The following SRFBP1 variants were observed in gnomAD, a reference collection of about 807,000 sequenced individuals.
SRFBP1 encodes serum response factor binding protein 1.
In SRFBP1, 47 loss-of-function variants were observed where a neutral mutation model predicts 45.5. That is an observed-to-expected ratio of 1.03 (90% CI 0.82 to 1.32). The LOEUF is 1.32. Among genes scored for constraint, SRFBP1 ranks in the 40% most tolerant of loss-of-function variants. The probability of loss-of-function intolerance (pLI) is 0.00; values close to 1 mark genes in which losing one functional copy is unlikely to be tolerated. For missense variants in SRFBP1, 621 were observed against 484.6 expected (o/e 1.28, Z -2.64); for synonymous variants, 203 against 166.3 (o/e 1.22, Z -1.70).
At chr5:122,063,878 G>A (rs922650053) in intron 2 of SRFBP1, 3 of 151,836 alleles carry the variant, frequency 2.0e-5, no homozygotes, top group Non-Finnish European at 4.4e-5. Flanking sequence ...GAGAAAAAAA[G>A]TACTACAAAT....
chr5:122,021,757 A>G (rs902628162), intron 6 of SRFBP1, among the ~76,000 whole-genome samples: 1 of 144,432 alleles, frequency 6.9e-6, no homozygotes, highest in Non-Finnish European at 1.5e-5. Context: ...GCTCACTGTA[A>G]CCTCTGCCTC....
intron 4 of SRFBP1, among the ~76,000 whole-genome samples, chr5:122,001,623 G>T (rs1439802888): frequency 6.8e-6 from 1 of 147,002 alleles, no homozygotes; most frequent in East Asian, 2.0e-4. Flanking sequence ...TTGCAGTGGC[G>T]CAATCTCGGC....
intron 2 of SRFBP1, among the ~76,000 whole-genome samples, chr5:122,047,074 G>T (rs1008212608): frequency 7.9e-5 from 12 of 152,092 alleles, no homozygotes; most frequent in African/African-American, 2.4e-4. Context: ...GTCAATTTTG[G>T]CTTTTGTTGC....
rs1181937942 is a variant in SRFBP1 at position 121,968,040 on chromosome 5, A to G, written c.36+5972A>G. On this transcript the variant is annotated intron_variant, in intron 1 of 7. Transcript: ENST00000339397. ...CTCTTGGTGTGTGTTTTTCTCTTAT[A>G]TATTTTTCACAATTTTAGTAACATA... Among the ~76,000 whole-genome samples the G allele has an allele frequency of 5.9e-5, 9 of 152,076 alleles. 1 individual carries two copies. The South Asian group carries it at 1.2e-3, about 21-fold the overall frequency.
chr5:121,976,343 T>C (rs1368489656), intron 3 of SRFBP1, among the ~76,000 whole-genome samples: 2 of 151,942 alleles, frequency 1.3e-5, no homozygotes, highest in Non-Finnish European at 1.5e-5. Context: ...CCATCTGATA[T>C]AACTTTTATT....
intron 4 of SRFBP1, among the ~76,000 whole-genome samples, chr5:122,011,801 G>A (rs1425670405): frequency 6.6e-6 from 1 of 151,840 alleles, no homozygotes; most frequent in Non-Finnish European, 1.5e-5. Context: ...GAAAGAGTCT[G>A]TTCTACTCAT....
chr5:121,992,775 A>G (rs1257885686), intron 3 of SRFBP1, among the ~76,000 whole-genome samples: 12 of 152,126 alleles, frequency 7.9e-5, no homozygotes, highest in Non-Finnish European at 1.6e-4. Flanking sequence ...GAGGTATTAT[A>G]TTCCTAAATT....
intron 6 of SRFBP1, 56 bp downstream of exon 6, chr5:122,020,858 A>G: frequency 7.1e-7 from 1 of 1,403,446 alleles, no homozygotes; most frequent in Non-Finnish European, 9.5e-7. Flanking sequence ...AAAAGCTATA[A>G]ATGTCTACTT....
At chr5:121,988,643 C>G (rs1036075097) in intron 3 of SRFBP1, among the ~76,000 whole-genome samples, 1 of 152,180 alleles carries the variant, frequency 6.6e-6, no homozygotes, top group Non-Finnish European at 1.5e-5. Context: ...GCCTGCATGG[C>G]TGACCTCAGC....
intron 2 of SRFBP1, among the ~76,000 whole-genome samples, chr5:122,039,498 A>G (rs1391232862): frequency 2.6e-5 from 4 of 152,180 alleles, no homozygotes; most frequent in Admixed American, 2.0e-4. Context: ...CCCAGCCTCC[A>G]TAAAGTTAGG....
chr5:122,078,014 G>T (rs895776127), downstream of SRFBP1: 16 of 1,439,172 alleles, frequency 1.1e-5, no homozygotes, highest in African/African-American at 3.0e-5. Flanking sequence ...GACCCCGCTC[G>T]AGGAGGACGT....
At chr5:122,057,764 A>G (rs568076900) in intron 2 of SRFBP1, among the ~76,000 whole-genome samples, 1 of 152,266 alleles carries the variant, frequency 6.6e-6, no homozygotes, top group South Asian at 2.1e-4. Context: ...GACAACATTG[A>G]CATCAGAGGA....
At chr5:121,963,119 A>G (rs1004948850) in intron 1 of SRFBP1, among the ~76,000 whole-genome samples, 1 of 152,232 alleles carries the variant, frequency 6.6e-6, no homozygotes. Flanking sequence ...AAGTCATTCC[A>G]GGCAGAGGGA....
At chr5:122,055,154 G>T (rs1358822069) in intron 2 of SRFBP1, among the ~76,000 whole-genome samples, 4 of 152,190 alleles carry the variant, frequency 2.6e-5, no homozygotes, top group Non-Finnish European at 5.9e-5. Context: ...GTTTCTGGCA[G>T]ATTTAGTGTC....
intron 4 of SRFBP1, among the ~76,000 whole-genome samples, chr5:121,998,677 C>CT (rs1752788552): frequency 5.4e-5 from 7 of 129,738 alleles, no homozygotes; most frequent in African/African-American, 1.1e-4. Flanking sequence ...AAAAAAAAAA[C>CT]TAAGATGCTT....
At chr5:122,034,116 G>T (rs1025740612) in intron 2 of SRFBP1, among the ~76,000 whole-genome samples, 1 of 152,122 alleles carries the variant, frequency 6.6e-6, no homozygotes, top group Non-Finnish European at 1.5e-5. Flanking sequence ...GAACCACTGC[G>T]CCCGGCCTAT....
chr5:121,978,357 T>A (rs906777614), intron 3 of SRFBP1, among the ~76,000 whole-genome samples: 1 of 152,220 alleles, frequency 6.6e-6, no homozygotes, highest in Non-Finnish European at 1.5e-5. Flanking sequence ...AGACTCACTT[T>A]CCTAGATATT....
Position 122,048,404 on chromosome 5 carries a change from C to A in SRFBP1, n.311+25997C>A, listed in dbSNP as rs567251382. Among the ~76,000 whole-genome samples, 3 of 152,282 alleles carry A rather than the reference C, an allele frequency of 2.0e-5. No homozygotes were observed. In the South Asian group the frequency reaches 6.2e-4, roughly 32 times the overall value. ...ATCCCAGGGGTGAAGCCCACTTGAT[C>A]ATGGTGGATAAGCTTTTTGATGTGC... On this transcript the variant is annotated intron_variant and non_coding_transcript_variant, in intron 2 of 2. Transcript: ENST00000504881.
In SRFBP1 at chr5:122,060,067, A is replaced by G. The variant is rs1426909590; in HGVS notation, n.312-15248A>G. 2.6e-5 allele frequency among the ~76,000 whole-genome samples: 4 copies of G among 152,106 alleles called. No individual in the cohort carries two copies. The East Asian group carries it at 5.8e-4, about 22-fold the overall frequency. ...ATGGGCTTTCCTCCTAAAATGCCCTACTAAGACTTCATGAAACACAGAAGA... is the reference window on the plus strand; with the variant it reads ...ATGGGCTTTCCTCCTAAAATGCCCTGCTAAGACTTCATGAAACACAGAAGA... On this transcript the variant is annotated intron_variant and non_coding_transcript_variant, in intron 2 of 2. Transcript: ENST00000504881.
Sources: allele counts gnomAD v4.1 joint callset (sites outside exome capture counted in the v4.1 genomes callset), GRCh38; gene constraint gnomAD v4.1.1; transcripts MANE v1.5; gene names NCBI Gene and HGNC (gene_info 2026-07-23, HGNC 2026-07-21).